AOAH: variants seen among roughly 807,000 people sequenced by gnomAD.
AOAH encodes acyloxyacyl hydrolase, also known as acyloxyacyl hydrolase (neutrophil).
In AOAH, 64 loss-of-function variants were observed where a neutral mutation model predicts 92.2. The ratio of observed to expected loss-of-function variants is 0.69; its 90% confidence interval spans 0.57 to 0.86. The LOEUF (loss-of-function observed/expected upper bound fraction) is 0.86. Ranked by LOEUF, AOAH falls within the 40% of genes least tolerant of loss-of-function variation. The pLI, the probability that AOAH is intolerant of heterozygous loss-of-function variation, is 0.00. For missense variants in AOAH, 656 were observed against 694.6 expected, an observed-to-expected ratio of 0.94 and a Z score of 0.62; for synonymous variants, 263 against 254.5, an observed-to-expected ratio of 1.03 and a Z score of -0.32.
intron 4 of AOAH, among the ~76,000 whole-genome samples, chr7:36,654,812 C>G (rs936216178): frequency 6.6e-6 from 1 of 152,154 alleles, no homozygotes; most frequent in African/African-American, 2.4e-5. Context: ...GCAGAGAGCA[C>G]GGTGAATGAG....
At chr7:36,612,833 A>G (rs1474369963) in intron 11 of AOAH, among the ~76,000 whole-genome samples, 1 of 152,168 alleles carries the variant, frequency 6.6e-6, no homozygotes, top group Non-Finnish European at 1.5e-5. Context: ...TGAAACTTTT[A>G]TATTTACTGG....
At chr7:36,690,849 GA>G (rs1797351967) in intron 1 of AOAH, among the ~76,000 whole-genome samples, 1 of 152,192 alleles carries the variant, frequency 6.6e-6, no homozygotes, top group Non-Finnish European at 1.5e-5. Context: ...CTGCCAGAGG[GA>G]TCACATCTGG....
Position 36,707,453 on chromosome 7 carries a change from A to C in AOAH, c.127+16569T>G, listed in dbSNP as rs920686150. Among the ~76,000 whole-genome samples the C allele has an allele frequency of 1.3e-4, 20 of 152,282 alleles. No individual in the cohort carries two copies. In the South Asian group the frequency reaches 1.5e-3, roughly 11 times the overall value. On this transcript the variant is annotated intron_variant, in intron 1 of 20. Transcript: ENST00000617537. The stretch of plus-strand genomic sequence containing the variant: ...AGTTTGAAATATCCTGAGAATTACC[A>C]AAATGTGACACAGAGACATGAAGTG...
intron 12 of AOAH, among the ~76,000 whole-genome samples, chr7:36,588,476 A>G (rs1789511070): frequency 6.6e-6 from 1 of 152,274 alleles, no homozygotes; most frequent in Non-Finnish European, 1.5e-5. Flanking sequence ...TGTTTTGCAA[A>G]GTATAATTAT....
chr7:36,620,203 A>T (rs1792179339), intron 9 of AOAH, among the ~76,000 whole-genome samples: 1 of 152,192 alleles, frequency 6.6e-6, no homozygotes, highest in African/African-American at 2.4e-5. Context: ...GGAACCCTCA[A>T]ATCTTGTAAG....
intron 18 of AOAH, among the ~76,000 whole-genome samples, chr7:36,531,435 C>T (rs544613113): frequency 7.9e-5 from 12 of 152,308 alleles, no homozygotes; most frequent in African/African-American, 1.9e-4. Flanking sequence ...CAACCTCCGC[C>T]TCCTGGGTTC....
chr7:36,633,960 T>TTGCCAAATCTGCCTCCAGACAC (rs1793339925), intron 5 of AOAH, among the ~76,000 whole-genome samples: 2 of 152,054 alleles, frequency 1.3e-5, no homozygotes, highest in Non-Finnish European at 2.9e-5. Context: ...CCTCCAGACA[T>TTGCCAAATCTGCCTCCAGACAC]TGCCAAATCT....
At chr7:36,553,925 T>C (rs1255398721) in intron 13 of AOAH, among the ~76,000 whole-genome samples, 4 of 152,110 alleles carry the variant, frequency 2.6e-5, no homozygotes, top group Admixed American at 6.5e-5. Context: ...TTCTCCCATT[T>C]TGTAGGTTGC....
chr7:36,597,067 C>T (rs1345764574), intron 11 of AOAH, among the ~76,000 whole-genome samples: 1 of 152,130 alleles, frequency 6.6e-6, no homozygotes, highest in Non-Finnish European at 1.5e-5. Context: ...CATCCTTATT[C>T]TTATCCTAAG....
intron 1 of AOAH, among the ~76,000 whole-genome samples, chr7:36,693,903 A>G (rs1797555056): frequency 6.6e-6 from 1 of 152,214 alleles, no homozygotes; most frequent in African/African-American, 2.4e-5. Context: ...ACTTGAATAA[A>G]TAGATCAGAA....
intron 2 of AOAH, among the ~76,000 whole-genome samples, chr7:36,682,592 G>T (rs1796721000): frequency 6.6e-6 from 1 of 151,694 alleles, no homozygotes; most frequent in Non-Finnish European, 1.5e-5. Context: ...GAGCTAAGAG[G>T]CATTAATAAA....
At chr7:36,539,219 G>T (rs185319233) in intron 16 of AOAH, among the ~76,000 whole-genome samples, 1 of 152,156 alleles carries the variant, frequency 6.6e-6, no homozygotes, top group Non-Finnish European at 1.5e-5. Flanking sequence ...TGAATTTCTC[G>T]CCTGACTCCT....
At chr7:36,722,457 A>C (rs1584200816) in intron 1 of AOAH, among the ~76,000 whole-genome samples, 1 of 152,212 alleles carries the variant, frequency 6.6e-6, no homozygotes, top group East Asian at 1.9e-4. Context: ...AGCTTTTCTC[A>C]AGTGTATTTC....
intron 1 of AOAH, among the ~76,000 whole-genome samples, chr7:36,687,549 T>C (rs1175283411): frequency 2.0e-5 from 3 of 152,068 alleles, no homozygotes; most frequent in Admixed American, 6.6e-5. Context: ...TTTTTTTTTT[T>C]TCCAAAGAAA....
chr7:36,524,767 A>G (rs1784312859), intron 19 of AOAH, among the ~76,000 whole-genome samples: 1 of 151,844 alleles, frequency 6.6e-6, no homozygotes, highest in African/African-American at 2.4e-5. Flanking sequence ...ATGTGAGGAT[A>G]TGATGAGAAG....
chr7:36,522,608 A>G (rs1193171634), intron 19 of AOAH, among the ~76,000 whole-genome samples: 1 of 152,212 alleles, frequency 6.6e-6, no homozygotes, highest in East Asian at 1.9e-4. Flanking sequence ...TGGAGGGAGT[A>G]TGGCTGCAGA....
chr7:36,643,918 G>A (rs1794071117), intron 4 of AOAH, among the ~76,000 whole-genome samples: 1 of 152,148 alleles, frequency 6.6e-6, no homozygotes, highest in African/African-American at 2.4e-5. Context: ...GGCCTCCCCA[G>A]CCATGCTTCC....
chr7:36,649,790 C>G (rs963985066), intron 4 of AOAH, among the ~76,000 whole-genome samples: 1 of 152,204 alleles, frequency 6.6e-6, no homozygotes, highest in African/African-American at 2.4e-5. Context: ...CCGTGGCAGA[C>G]CTACCGCTAA....
chr7:36,617,234 C>T (rs1349386802), intron 10 of AOAH, among the ~76,000 whole-genome samples: 3 of 152,188 alleles, frequency 2.0e-5, no homozygotes, highest in Non-Finnish European at 4.4e-5. Context: ...ACTATTTGGC[C>T]ACAGAAATGG....
Sources: allele counts gnomAD v4.1 joint callset (sites outside exome capture counted in the v4.1 genomes callset), GRCh38; gene constraint gnomAD v4.1.1; transcripts MANE v1.5; gene names NCBI Gene and HGNC (gene_info 2026-07-23, HGNC 2026-07-21).